ZBTB20: variants seen among roughly 807,000 people sequenced by gnomAD.
ZBTB20 encodes the protein zinc finger and BTB domain-containing protein 20.
In ZBTB20, 9 loss-of-function variants were observed where a neutral mutation model predicts 56.9. The ratio of observed to expected loss-of-function variants is 0.16; its 90% confidence interval spans 0.10 to 0.28. The LOEUF (loss-of-function observed/expected upper bound fraction) is 0.28, where lower values mean the gene tolerates loss of function less well. Among genes scored for constraint, ZBTB20 ranks in the 10% least tolerant of loss-of-function variants. ZBTB20 has a pLI of 1.00. For synonymous variants in ZBTB20, 417 were observed against 420.7 expected (o/e 0.99, Z 0.11); for missense variants, 655 against 1,003.0 (o/e 0.65, Z 4.69).
chr3:114,605,337 T>C (rs1161259820), intron 6 of ZBTB20, among the ~76,000 whole-genome samples: 1 of 152,152 alleles, frequency 6.6e-6, no homozygotes, highest in African/African-American at 2.4e-5. Context: ...GCTCCTAAAT[T>C]TCCTATTTCC....
At chr3:114,650,783 G>C (rs1354264925) in intron 6 of ZBTB20, among the ~76,000 whole-genome samples, 1 of 151,660 alleles carries the variant, frequency 6.6e-6, no homozygotes, top group African/African-American at 2.4e-5. Flanking sequence ...TAATCTAGTT[G>C]GAGTCAAGTT....
intron 1 of ZBTB20, among the ~76,000 whole-genome samples, chr3:115,073,937 A>G (rs1269329526): frequency 6.6e-6 from 1 of 152,094 alleles, no homozygotes; most frequent in Non-Finnish European, 1.5e-5. Context: ...GACCAAAAAA[A>G]TCCCTACTAT....
At chr3:114,509,463 T>A (rs2045067036) in intron 6 of ZBTB20, among the ~76,000 whole-genome samples, 1 of 151,692 alleles carries the variant, frequency 6.6e-6, no homozygotes, top group African/African-American at 2.4e-5. Context: ...GCAAATTCCG[T>A]CCTAGATGCT....
chr3:114,553,572 G>C (rs935432620), intron 6 of ZBTB20, among the ~76,000 whole-genome samples: 2 of 152,084 alleles, frequency 1.3e-5, no homozygotes, highest in Admixed American at 6.5e-5. Context: ...GTTTATATTA[G>C]TTAAAATGAA....
At chr3:114,589,582 CAGTGAA>C (rs1434642965) in intron 6 of ZBTB20, among the ~76,000 whole-genome samples, 1 of 152,160 alleles carries the variant, frequency 6.6e-6, no homozygotes, top group Non-Finnish European at 1.5e-5. Context: ...ACACTTTTGA[CAGTGAA>C]AGGGCCTTAT....
intron 1 of ZBTB20, chr3:115,144,720 T>G (rs1191424274): frequency 1.3e-5 from 2 of 152,170 alleles, no homozygotes; most frequent in Non-Finnish European, 2.9e-5. Context: ...CGGGCCTAGA[T>G]GGGTAAGCAT....
chr3:114,837,348 T>A (rs2074171688), intron 4 of ZBTB20, among the ~76,000 whole-genome samples: 1 of 152,188 alleles, frequency 6.6e-6, no homozygotes, highest in Admixed American at 6.6e-5. Flanking sequence ...GTGTTAGTTA[T>A]CTATTACAGC....
At chr3:114,855,543 G>A (rs925255936) in intron 4 of ZBTB20, among the ~76,000 whole-genome samples, 5 of 152,156 alleles carry the variant, frequency 3.3e-5, no homozygotes, top group Admixed American at 2.0e-4. Flanking sequence ...AGTGATTCCT[G>A]GAACTTGGGA....
intron 2 of ZBTB20, among the ~76,000 whole-genome samples, chr3:114,987,412 T>A (rs1374446946): frequency 6.6e-6 from 1 of 152,100 alleles, no homozygotes; most frequent in African/African-American, 2.4e-5. Context: ...AAAATTACAT[T>A]TTCAAAAGCT....
intron 6 of ZBTB20, among the ~76,000 whole-genome samples, chr3:114,561,886 T>C (rs2052102398): frequency 6.6e-6 from 1 of 152,132 alleles, no homozygotes; most frequent in South Asian, 2.1e-4. Flanking sequence ...TCCTTCCAAG[T>C]AGAAGACTAT....
At chr3:114,913,881 G>C (rs142234070) in intron 3 of ZBTB20, among the ~76,000 whole-genome samples, 46 of 151,934 alleles carry the variant, frequency 3.0e-4, no homozygotes, top group African/African-American at 1.1e-3. Context: ...TGTTGAAAAT[G>C]AGTTCACTGT....
At chr3:115,125,372 A>G (rs896139045) in intron 1 of ZBTB20, among the ~76,000 whole-genome samples, 1 of 152,018 alleles carries the variant, frequency 6.6e-6, no homozygotes, top group Non-Finnish European at 1.5e-5. Flanking sequence ...AAAATGTGAC[A>G]TACATACACA....
intron 6 of ZBTB20, among the ~76,000 whole-genome samples, chr3:114,613,346 C>A (rs1235396462): frequency 1.3e-5 from 2 of 152,158 alleles, no homozygotes; most frequent in African/African-American, 4.8e-5. Context: ...AGGACCTAAC[C>A]AAGAAGCTGG....
intron 6 of ZBTB20, among the ~76,000 whole-genome samples, chr3:114,660,770 A>AT (rs1268325651): frequency 6.6e-6 from 1 of 152,050 alleles, no homozygotes; most frequent in Non-Finnish European, 1.5e-5. Context: ...AGGGATCAGC[A>AT]TTTTTTTCAA....
chr3:114,348,619 A>G (rs1334163688), intron 11 of ZBTB20, among the ~76,000 whole-genome samples: 2 of 152,246 alleles, frequency 1.3e-5, no homozygotes, highest in African/African-American at 4.8e-5. Flanking sequence ...AAGTACATAC[A>G]TTAATTTACA....
intron 4 of ZBTB20, among the ~76,000 whole-genome samples, chr3:114,847,775 A>G (rs576919495): frequency 1.3e-5 from 2 of 152,280 alleles, no homozygotes; most frequent in South Asian, 4.1e-4. Flanking sequence ...TAACACAGTA[A>G]GGCACATGGA....
At chr3:114,611,447 T>C (rs916876418) in intron 6 of ZBTB20, among the ~76,000 whole-genome samples, 5 of 152,172 alleles carry the variant, frequency 3.3e-5, no homozygotes, top group Non-Finnish European at 5.9e-5. Flanking sequence ...ATTTATGTTG[T>C]TCAGGAACAT....
At chr3:114,715,661 G>T (rs987428963) in intron 5 of ZBTB20, among the ~76,000 whole-genome samples, 1 of 152,204 alleles carries the variant, frequency 6.6e-6, no homozygotes, top group Non-Finnish European at 1.5e-5. Flanking sequence ...TGAGAATTAT[G>T]AGGTTACTTC....
intron 7 of ZBTB20, among the ~76,000 whole-genome samples, chr3:114,402,485 A>G (rs922083496): frequency 5.3e-5 from 8 of 152,126 alleles, no homozygotes; most frequent in African/African-American, 1.7e-4. Context: ...AACTCCTACT[A>G]CTGTTCTCTA....
Sources: gnomAD v4.1 joint callset for allele counts (sites outside exome capture counted in the v4.1 genomes callset) on GRCh38, gnomAD v4.1.1 for gene constraint, MANE v1.5 for transcripts, NCBI Gene and HGNC (gene_info 2026-07-23, HGNC 2026-07-21) for gene names.